NREP: variants seen among roughly 807,000 people sequenced by gnomAD.
The protein encoded by NREP is neuronal regeneration related protein.
NREP carries 5 observed loss-of-function variants against 8.6 expected under a neutral mutation model. The ratio of observed to expected loss-of-function variants is 0.58; its 90% confidence interval spans 0.30 to 1.22. The LOEUF is 1.22. Among genes scored for constraint, NREP ranks in the 50% most tolerant of loss-of-function variants. NREP has a pLI of 0.07. For missense variants in NREP, 86 were observed against 82.5 expected (o/e 1.04, Z -0.17); for synonymous variants, 27 against 28.0 (o/e 0.96, Z 0.11).
chr5:111,886,105 T>C (rs1375521871), intron 2 of NREP, among the ~76,000 whole-genome samples: 1 of 151,992 alleles, frequency 6.6e-6, no homozygotes. Context: ...GAATCTACAA[T>C]GAACTCAAAC....
intron 2 of NREP, among the ~76,000 whole-genome samples, chr5:111,916,204 T>G (rs919405500): frequency 6.6e-6 from 1 of 151,940 alleles, no homozygotes; most frequent in African/African-American, 2.4e-5. Context: ...TAGAGAGATA[T>G]AGTAGATGTT....
intron 2 of NREP, among the ~76,000 whole-genome samples, chr5:111,736,986 C>T (rs960027725): frequency 2.0e-5 from 3 of 152,174 alleles, no homozygotes; most frequent in Non-Finnish European, 4.4e-5. Flanking sequence ...TTATACCAGT[C>T]CACAGCCGCC....
At chr5:111,911,690 T>G (rs138559587) in intron 2 of NREP, among the ~76,000 whole-genome samples, 170 of 152,230 alleles carry the variant, frequency 1.1e-3, no homozygotes, top group African/African-American at 4.0e-3. Flanking sequence ...CAATCTGACC[T>G]CTTTTTGACT....
chr5:111,923,205 T>C (rs1755294078), intron 2 of NREP, among the ~76,000 whole-genome samples: 1 of 152,196 alleles, frequency 6.6e-6, no homozygotes, highest in Non-Finnish European at 1.5e-5. Context: ...GTGAGAGCTA[T>C]CAGCTCAGCT....
intron 2 of NREP, among the ~76,000 whole-genome samples, chr5:111,850,002 A>G (rs1753270634): frequency 6.6e-6 from 1 of 152,162 alleles, no homozygotes; most frequent in African/African-American, 2.4e-5. Flanking sequence ...TTAGCCCTGA[A>G]CCATCTAACA....
At chr5:111,894,886 A>G (rs1009224437) in intron 2 of NREP, among the ~76,000 whole-genome samples, 3 of 152,202 alleles carry the variant, frequency 2.0e-5, no homozygotes, top group African/African-American at 7.2e-5. Context: ...GTGTAATCAG[A>G]CCTTCTGCAA....
chr5:111,866,727 A>C (rs1470702499), intron 2 of NREP, among the ~76,000 whole-genome samples: 1 of 152,156 alleles, frequency 6.6e-6, no homozygotes, highest in Admixed American at 6.5e-5. Flanking sequence ...TCACAATAGC[A>C]AAGACTTGGA....
intron 2 of NREP, among the ~76,000 whole-genome samples, chr5:111,749,605 T>C (rs553435244): frequency 9.2e-5 from 14 of 152,288 alleles, no homozygotes; most frequent in African/African-American, 2.6e-4. Flanking sequence ...TCAATAAGTA[T>C]GGTTAATCGG....
At chr5:111,776,066 A>G (rs1751349662) in intron 2 of NREP, among the ~76,000 whole-genome samples, 2 of 152,188 alleles carry the variant, frequency 1.3e-5, no homozygotes, top group Non-Finnish European at 2.9e-5. Flanking sequence ...GTCAGTAAGT[A>G]TGAGGTGAAT....
intron 2 of NREP, among the ~76,000 whole-genome samples, chr5:111,907,452 T>G (rs1363758440): frequency 6.6e-6 from 1 of 152,062 alleles, no homozygotes; most frequent in Non-Finnish European, 1.5e-5. Flanking sequence ...CTTTCTCCAT[T>G]GAATTGCCTT....
chr5:111,741,816 C>T (rs1419931801), intron 2 of NREP, among the ~76,000 whole-genome samples: 1 of 91,842 alleles, frequency 1.1e-5, no homozygotes, highest in Non-Finnish European at 2.2e-5. Flanking sequence ...CTAATTTAAA[C>T]ACACACATAC....
intron 2 of NREP, among the ~76,000 whole-genome samples, chr5:111,786,585 T>C (rs964975389): frequency 6.6e-6 from 1 of 152,216 alleles, no homozygotes; most frequent in African/African-American, 2.4e-5. Context: ...TTCTCAGATA[T>C]AAAGATTTGA....
chr5:111,931,137 C>A (rs749704117), intron 2 of NREP, among the ~76,000 whole-genome samples: 4 of 151,974 alleles, frequency 2.6e-5, no homozygotes, highest in Admixed American at 6.6e-5. Flanking sequence ...AGTATTTAAA[C>A]CTTCTGTGGT....
Position 111,901,702 on chromosome 5 carries a change from G to C in NREP, c.135+73572C>G, listed in dbSNP as rs569483571. Among the ~76,000 whole-genome samples, 4 of 152,020 alleles carry C rather than the reference G, an allele frequency of 2.6e-5. No homozygotes were observed. In the East Asian group the frequency reaches 7.7e-4, roughly 29 times the overall value. On this transcript the variant is annotated intron_variant, in intron 2 of 3. Transcript: ENST00000395634. ...GCTGAAAAAGAAACCCCATTTACTA[G>C]AGCTACAAAAAATAAAAATAAAATG...
chr5:111,901,002 A>G (rs1287439730), intron 2 of NREP, among the ~76,000 whole-genome samples: 1 of 152,194 alleles, frequency 6.6e-6, no homozygotes, highest in Non-Finnish European at 1.5e-5. Context: ...AGATGCAACA[A>G]TCCTCAAGAA....
At chr5:111,797,107 AGAT>A (rs1486624124) in intron 2 of NREP, among the ~76,000 whole-genome samples, 4 of 152,022 alleles carry the variant, frequency 2.6e-5, no homozygotes, top group East Asian at 3.9e-4. Flanking sequence ...ATAGATAGAT[AGAT>A]ATTTCAAAAA....
chr5:111,800,324 G>A lies in NREP; in HGVS notation c.136-64817C>T, dbSNP rs1751974945. Among the ~76,000 whole-genome samples the A allele has an allele frequency of 2.6e-5, 4 of 152,332 alleles. No homozygotes were observed. The South Asian group carries it at 8.3e-4, about 32-fold the overall frequency. The stretch of plus-strand genomic sequence containing the variant: ...TAGGGTTCAGGGCCAAAGGTTCAGA[G>A]AGTACTTGCTGTACATCGGTGATTA... On this transcript the variant is annotated intron_variant, in intron 2 of 3. Transcript: ENST00000395634.
chr5:111,807,042 A>T (rs1029655842), intron 2 of NREP, among the ~76,000 whole-genome samples: 4 of 152,238 alleles, frequency 2.6e-5, no homozygotes, highest in Middle Eastern at 3.4e-3. Context: ...AGTCTATTTT[A>T]AAAAAATGTG....
At chr5:111,887,984 G>A (rs564491671) in intron 2 of NREP, among the ~76,000 whole-genome samples, 73 of 152,234 alleles carry the variant, frequency 4.8e-4, no homozygotes, top group African/African-American at 1.7e-3. Flanking sequence ...CCTGTCAAAT[G>A]AATTACTAAA....
Sources: gnomAD v4.1 joint callset for allele counts (sites outside exome capture counted in the v4.1 genomes callset) on GRCh38, gnomAD v4.1.1 for gene constraint, MANE v1.5 for transcripts, NCBI Gene and HGNC (gene_info 2026-07-23, HGNC 2026-07-21) for gene names.